Variants in PAK2 observed in about 807,000 individuals in gnomAD.
PAK2 encodes the protein p21 (RAC1) activated kinase 2, also known as serine/threonine-protein kinase PAK 2.
Under a neutral mutation model 65.9 loss-of-function variants are expected in PAK2, and 21 were observed. The ratio of observed to expected loss-of-function variants is 0.32; its 90% CI spans 0.23 to 0.46. The LOEUF (loss-of-function observed/expected upper bound fraction) is 0.46, where lower values mean the gene tolerates loss of function less well. Among genes scored for constraint, PAK2 ranks in the 20% least tolerant of loss-of-function variants. The pLI is 1.00. For missense variants in PAK2, 324 were observed against 642.6 expected, an observed-to-expected ratio of 0.50 and a Z score of 5.36; for synonymous variants, 204 against 219.7, an observed-to-expected ratio of 0.93 and a Z score of 0.63.
chr3:196,769,678 G>A (rs993888715), intron 1 of PAK2, among the ~76,000 whole-genome samples: 31 of 151,732 alleles, frequency 2.0e-4, no homozygotes, highest in African/African-American at 1.9e-4. Flanking sequence ...TTAGCTGGGC[G>A]TGGTGGTAGG....
intron 1 of PAK2, among the ~76,000 whole-genome samples, chr3:196,773,666 A>T (rs1235268482): frequency 6.6e-6 from 1 of 152,088 alleles, no homozygotes; most frequent in African/African-American, 2.4e-5. Flanking sequence ...ACCTGAGGTT[A>T]GGAGTTTGAG....
At chr3:196,750,759 A>T (rs1487953730) in intron 1 of PAK2, among the ~76,000 whole-genome samples, 38 of 137,558 alleles carry the variant, frequency 2.8e-4, no homozygotes, top group Non-Finnish European at 4.3e-4. Context: ...TAAAGTTTAA[A>T]AAAAAAAAAA....
intron 1 of PAK2, among the ~76,000 whole-genome samples, chr3:196,763,069 C>A (rs145943619): frequency 1.3e-5 from 2 of 152,146 alleles, no homozygotes; most frequent in Non-Finnish European, 2.9e-5. Flanking sequence ...ATAGACCCCC[C>A]ACCCCCTGCC....
chr3:196,767,486 T>C (rs1714209022), intron 1 of PAK2, among the ~76,000 whole-genome samples: 1 of 143,038 alleles, frequency 7.0e-6, no homozygotes, highest in East Asian at 1.9e-4. Flanking sequence ...ACATGTTTTT[T>C]GTTTGTTTGT....
chr3:196,811,508 A>G (rs1013993030), intron 8 of PAK2, among the ~76,000 whole-genome samples: 1 of 147,178 alleles, frequency 6.8e-6, no homozygotes, highest in Non-Finnish European at 1.5e-5. Context: ...CAGCCTCCCA[A>G]AGTGTTGGGA....
At chr3:196,784,403 A>T (rs1714818245) in intron 2 of PAK2, among the ~76,000 whole-genome samples, 1 of 103,950 alleles carries the variant, frequency 9.6e-6, no homozygotes, top group Non-Finnish European at 1.9e-5. Flanking sequence ...CAGTCCCCAG[A>T]GTGTGATATT....
At chr3:196,812,999 G>T in intron 10 of PAK2, 148 bp downstream of exon 10, 2 of 572,276 alleles carry the variant, frequency 3.5e-6, no homozygotes, top group Non-Finnish European at 6.3e-6. Context: ...AAATAGCACA[G>T]TGCAGTTTTA....
At chr3:196,758,644 T>G (rs1485698347) in intron 1 of PAK2, among the ~76,000 whole-genome samples, 1 of 152,136 alleles carries the variant, frequency 6.6e-6, no homozygotes, top group Non-Finnish European at 1.5e-5. Context: ...AGTATTTTTA[T>G]TTTATTTTAT....
At position 196,812,184 on chromosome 3, in the gene PAK2, A is replaced by G. The variant is rs372719397; in HGVS notation, c.774-35A>G. The stretch of plus-strand genomic sequence containing the variant: ...ATATTGCAAATGCTAGTGATTTATC[A>G]ACCTTAAATCTGGTTGTGTGTTTTC... On this transcript the variant is annotated intron_variant, in intron 8 of 14. Coordinates refer to ENST00000327134, the MANE Select transcript of PAK2 (RefSeq NM_002577.4). The G allele has an allele frequency of 1.5e-5, 19 of 1,257,832 alleles. No individual in the cohort carries two copies. The African/African-American group carries it at 1.6e-4, about 11-fold the overall frequency. 77.9% of individuals were successfully genotyped at this position (1,257,832 alleles called of 1,614,324 possible).
chr3:196,778,333 T>C (rs78358591), intron 1 of PAK2, among the ~76,000 whole-genome samples: 15,153 of 152,302 alleles, frequency 0.099, 1,229 homozygotes, highest in East Asian at 0.44. Context: ...TTGGCTGTTA[T>C]GAATGCTTCT....
In PAK2 at chr3:196,820,719, T is replaced by C. The variant is rs968862825; in HGVS notation, c.1350+152T>C. ...AACTCTGCATCTAGAAATCATTTGC[T>C]CTCTGAGTTACAAATTAATGTGTTA... On this transcript the variant is annotated intron_variant, in intron 13 of 14. Transcript: ENST00000327134. This position sits in a 1 kb window ranked among gnomAD's most constrained non-coding sequence, Gnocchi z 4.6. The C allele has an allele frequency of 2.2e-6, 1 of 452,368 alleles. No homozygotes were observed. The highest frequency in any genetic ancestry group is 3.9e-6 in the Non-Finnish European group (1 of 255,780). The allele number at this position is 452,368 out of a possible 1,614,324, so 28.0% of individuals were successfully genotyped here.
In PAK2 at chr3:196,797,761, AAAAT is replaced by A. The variant is rs966076349; in HGVS notation, c.188-4158_188-4155del. On this transcript the variant is annotated intron_variant, in intron 2 of 14. Transcript: ENST00000327134. ...GCAAGACTCTGTCTCAAAAAAAAAT[AAAAT>A]AAATAAAGGATTTAAATTATATAAA... Among the ~76,000 whole-genome samples, 7 of 151,152 alleles carry A rather than the reference AAAAT, an allele frequency of 4.6e-5. No homozygotes were observed. In the East Asian group the frequency reaches 1.3e-3, roughly 29 times the overall value.
intron 1 of PAK2, among the ~76,000 whole-genome samples, chr3:196,770,081 C>T (rs1397537947): frequency 6.6e-6 from 1 of 151,836 alleles, no homozygotes; most frequent in Non-Finnish European, 1.5e-5. Context: ...CATAGTGAGA[C>T]CTTGTCTCTG....
chr3:196,742,772 C>T (rs1713246931), intron 1 of PAK2, among the ~76,000 whole-genome samples: 1 of 152,114 alleles, frequency 6.6e-6, no homozygotes, highest in Non-Finnish European at 1.5e-5. Context: ...AAAAAATTAG[C>T]CGGGCTTGGT....
At chr3:196,765,913 T>C (rs1714148452) in intron 1 of PAK2, among the ~76,000 whole-genome samples, 3 of 151,986 alleles carry the variant, frequency 2.0e-5, no homozygotes, top group African/African-American at 4.8e-5. Flanking sequence ...CTTTTTTTTT[T>C]TTTTTAGACG....
intron 13 of PAK2, among the ~76,000 whole-genome samples, chr3:196,822,730 TAAATC>T (rs1279288566): frequency 1.3e-5 from 2 of 151,954 alleles, no homozygotes; most frequent in Admixed American, 6.6e-5. Flanking sequence ...AATGTAAAAT[TAAATC>T]AAAAGCGTGC....
At chr3:196,810,501 C>A in intron 7 of PAK2, 89 bp from the exon 8 acceptor site, 1 of 754,706 alleles carries the variant, frequency 1.3e-6, no homozygotes, top group Non-Finnish European at 2.3e-6. Context: ...CTTATAAAAA[C>A]AGTGGAGTTC....
intron 1 of PAK2, among the ~76,000 whole-genome samples, chr3:196,747,948 C>T (rs1035988786): frequency 1.3e-5 from 2 of 152,102 alleles, no homozygotes; most frequent in Non-Finnish European, 2.9e-5. Context: ...TCATGATCAC[C>T]TCTGCCTACC....
intron 5 of PAK2, 54 bp downstream of exon 5, chr3:196,805,437 G>A: frequency 1.2e-6 from 1 of 844,546 alleles, no homozygotes; most frequent in Non-Finnish European, 1.9e-6. Context: ...GGTTACCCAA[G>A]ACAAATCTCA....
Sources: gnomAD v4.1 joint callset for allele counts (sites outside exome capture counted in the v4.1 genomes callset) on GRCh38, gnomAD v4.1.1 for gene constraint, Gnocchi (gnomAD v3.1) non-coding constraint, MANE v1.5 for transcripts, NCBI Gene and HGNC (gene_info 2026-07-23, HGNC 2026-07-21) for gene names.